Variants in RARS2 observed in about 807,000 individuals in gnomAD.
The protein encoded by RARS2 is arginyl-tRNA synthetase 2, mitochondrial, also known as probable arginine--tRNA ligase, mitochondrial.
RARS2 carries 67 observed loss-of-function variants against 88.5 expected under a neutral mutation model. That is an observed-to-expected ratio of 0.76 (90% CI 0.62 to 0.93). The LOEUF is 0.93. Among genes scored for constraint, RARS2 ranks in the 40% least tolerant of loss-of-function variants. The pLI, the probability that RARS2 is intolerant of heterozygous loss-of-function variation, is 0.00. For synonymous variants in RARS2, 239 were observed against 230.3 expected, an observed-to-expected ratio of 1.04 and a Z score of -0.34; for missense variants, 664 against 684.2, an observed-to-expected ratio of 0.97 and a Z score of 0.33.
At chr6:87,584,191 T>G (rs1433095407) in intron 1 of RARS2, among the ~76,000 whole-genome samples, 1 of 152,184 alleles carries the variant, frequency 6.6e-6, no homozygotes, top group African/African-American at 2.4e-5. Context: ...TATCTTCACA[T>G]TGCGGCATGG....
chr6:87,543,542 G>A (rs955595364), intron 7 of RARS2, among the ~76,000 whole-genome samples: 1 of 151,970 alleles, frequency 6.6e-6, no homozygotes, highest in African/African-American at 2.4e-5. Context: ...TCGGGAGGCT[G>A]AGGCAGGAGA....
rs1461840398 is a variant in RARS2 at position 87,559,545 on chromosome 6, C to T, written c.297+3157G>A. 2.7e-5 allele frequency among the ~76,000 whole-genome samples: 4 copies of T among 150,842 alleles called. 1 individual carries two copies. Among genetic ancestry groups the T allele is most frequent in the East Asian group, 2.0e-4 (1 of 5,100 alleles). On this transcript the variant is annotated intron_variant, in intron 4 of 19. Transcript: ENST00000369536. ...TGGAGTACAGCAGTGTGATCCTGTA[C>T]AGCAGTGTTATCCTAGTTCATTGCA...
At chr6:87,551,585 C>G (rs1224942846) in intron 5 of RARS2, among the ~76,000 whole-genome samples, 1 of 138,658 alleles carries the variant, frequency 7.2e-6, no homozygotes, top group Non-Finnish European at 1.5e-5. Context: ...AATCATGCCA[C>G]TGCACTCCAG....
chr6:87,560,015 G>A (rs145845003), intron 4 of RARS2, among the ~76,000 whole-genome samples: 68 of 152,190 alleles, frequency 4.5e-4, no homozygotes, highest in African/African-American at 1.5e-3. Flanking sequence ...CCGTGTAGTC[G>A]GTTTTATCAT....
chr6:87,586,581 G>A (rs1038817458), intron 1 of RARS2, among the ~76,000 whole-genome samples: 3 of 152,216 alleles, frequency 2.0e-5, no homozygotes, highest in African/African-American at 7.2e-5. Context: ...AAGCATGTCT[G>A]AGGCCATTTC....
chr6:87,526,672 ATTTT>A (rs138481516), intron 10 of RARS2, among the ~76,000 whole-genome samples: 1 of 143,926 alleles, frequency 6.9e-6, no homozygotes, highest in Non-Finnish European at 1.5e-5. Flanking sequence ...GGTCAACTGA[ATTTT>A]TTTTTTTTTT....
chr6:87,578,499 A>C (rs376109220), intron 1 of RARS2, among the ~76,000 whole-genome samples: 2 of 152,180 alleles, frequency 1.3e-5, no homozygotes, highest in African/African-American at 4.8e-5. Context: ...TTACCAAACC[A>C]CAACTTTATA....
chr6:87,550,029 T>C (rs906132147), intron 5 of RARS2, among the ~76,000 whole-genome samples: 5 of 152,210 alleles, frequency 3.3e-5, no homozygotes, highest in African/African-American at 1.2e-4. Flanking sequence ...CTCCAAAGTC[T>C]TGTTATACAC....
chr6:87,540,623 T>A (rs181759290), intron 8 of RARS2, among the ~76,000 whole-genome samples: 2 of 152,212 alleles, frequency 1.3e-5, no homozygotes, highest in East Asian at 3.9e-4. Flanking sequence ...GCAGAACATG[T>A]TTAGTCTGAT....
At chr6:87,518,561 C>A in intron 16 of RARS2, 69 bp downstream of exon 16, 3 of 1,480,572 alleles carry the variant, frequency 2.0e-6, no homozygotes, top group South Asian at 2.3e-5. Flanking sequence ...GGCCTCTGGT[C>A]TTAGAATCAC....
At chr6:87,538,008 A>G (rs540022632) in intron 8 of RARS2, among the ~76,000 whole-genome samples, 1 of 152,366 alleles carries the variant, frequency 6.6e-6, no homozygotes, top group South Asian at 2.1e-4. Flanking sequence ...GAAACAGAAT[A>G]ACATCAACAT....
Position 87,587,259 on chromosome 6 carries a change from T to C in RARS2, c.36+2663A>G, listed in dbSNP as rs149462633. On this transcript the variant is annotated intron_variant, in intron 1 of 19. Coordinates refer to ENST00000369536, the MANE Select transcript of RARS2 (RefSeq NM_020320.5). ...TGAGCTCCAATGAACTCAATGAACA[T>C]TGAGTCTCATGTCAGCACTCAAAAA... Among the ~76,000 whole-genome samples, 355 of 152,250 alleles carry C rather than the reference T, an allele frequency of 2.3e-3. 1 individual carries two copies. The highest frequency in any genetic ancestry group is 7.2e-3 in the African/African-American group (300 of 41,522).
chr6:87,572,363 A>G (rs1040099663), intron 1 of RARS2, among the ~76,000 whole-genome samples: 1 of 152,144 alleles, frequency 6.6e-6, no homozygotes, highest in South Asian at 2.1e-4. Flanking sequence ...AATCACTAAG[A>G]TTTTATGTCT....
chr6:87,584,580 A>G (rs1235686233), intron 1 of RARS2: 1 of 335,760 alleles, frequency 3.0e-6, no homozygotes, highest in Non-Finnish European at 5.9e-6. Flanking sequence ...AGTTAGTTAC[A>G]CAAATAGTGA....
chr6:87,539,291 GAC>G (rs1327674245), intron 8 of RARS2, among the ~76,000 whole-genome samples: 7 of 152,164 alleles, frequency 4.6e-5, no homozygotes, highest in Admixed American at 1.3e-4. Context: ...CCCCTTCAAA[GAC>G]ACTTTCCTCC....
At chr6:87,584,031 C>T (rs1288990103) in intron 1 of RARS2, among the ~76,000 whole-genome samples, 2 of 152,124 alleles carry the variant, frequency 1.3e-5, no homozygotes, top group Non-Finnish European at 2.9e-5. Context: ...ACACAAATTG[C>T]CTTTGTTCTG....
intron 5 of RARS2, among the ~76,000 whole-genome samples, chr6:87,550,871 T>C (rs570160800): frequency 6.6e-6 from 1 of 150,734 alleles, no homozygotes; most frequent in African/African-American, 2.4e-5. Context: ...TACAAATGCA[T>C]AGAACATCTC....
chr6:87,588,851 A>C (rs1411597178), intron 1 of RARS2, among the ~76,000 whole-genome samples: 1 of 152,112 alleles, frequency 6.6e-6, no homozygotes, highest in Non-Finnish European at 1.5e-5. Flanking sequence ...AGCCATACCC[A>C]TCAGTAAAAT....
At chr6:87,575,340 G>C (rs1356179347) in intron 1 of RARS2, among the ~76,000 whole-genome samples, 1 of 151,926 alleles carries the variant, frequency 6.6e-6, no homozygotes, top group Non-Finnish European at 1.5e-5. Context: ...TTATTTGGGA[G>C]ATGGTTCCTG....
Sources: allele counts gnomAD v4.1 joint callset (sites outside exome capture counted in the v4.1 genomes callset), GRCh38; gene constraint gnomAD v4.1.1; transcripts MANE v1.5; gene names NCBI Gene and HGNC (gene_info 2026-07-23, HGNC 2026-07-21).